The following AGAP2 variants were observed in gnomAD, a reference collection of about 807,000 sequenced individuals.
AGAP2 encodes arf-GAP with GTPase, ANK repeat and PH domain-containing protein 2.
A neutral mutation model predicts 110.9 loss-of-function variants in AGAP2; 32 were observed. The ratio of observed to expected loss-of-function variants is 0.29; its 90% confidence interval spans 0.22 to 0.39. AGAP2 has a LOEUF of 0.39. AGAP2 is among the 10% of genes least tolerant of loss of function. AGAP2 has a pLI of 1.00. For missense variants in AGAP2, 1,285 were observed against 1,638.5 expected, an observed-to-expected ratio of 0.78 and a Z score of 3.72; for synonymous variants, 702 against 713.0, an observed-to-expected ratio of 0.98 and a Z score of 0.25.
chr12:57,731,081 C>T, intron 10 of AGAP2, 128 bp from the exon 11 acceptor site: 1 of 1,020,754 alleles, frequency 9.8e-7, no homozygotes, highest in East Asian at 2.6e-5. Flanking sequence ...TTGTGATGAA[C>T]ATCTAGGGGA....
intron 13 of AGAP2, among the ~76,000 whole-genome samples, chr12:57,729,175 C>CA (rs766183934): frequency 0.052 from 1,828 of 35,148 alleles, 26 homozygotes; most frequent in African/African-American, 0.074. Context: ...GACTCCATCT[C>CA]AAAAAAAAAA....
rs1310882544 is a variant in AGAP2 at position 57,737,030 on chromosome 12, C to A, written c.1168+49G>T. On this transcript the variant is annotated intron_variant, in intron 1 of 18. Coordinates refer to ENST00000547588, the MANE Select transcript of AGAP2 (RefSeq NM_001122772.3). The surrounding 1 kb of genome is among the most constrained non-coding windows in gnomAD (Gnocchi z 5.9). The stretch of plus-strand genomic sequence containing the variant: ...CCTCGCTCCTCCACCCCAAGCTGAG[C>A]ATTCCAGGTACCCTTCCCTCCCTGT... 1 of 1,456,694 alleles carries A rather than the reference C, an allele frequency of 6.9e-7. No individual in the cohort carries two copies. The highest frequency in any genetic ancestry group is 2.8e-5 in the Admixed American group (1 of 35,666). The allele number at this position is 1,456,694 out of a possible 1,614,324, so 90.2% of individuals were successfully genotyped here.
At position 57,730,358 on chromosome 12, in the gene AGAP2, G is replaced by C. The variant is rs1329265566; in HGVS notation, c.2428+137C>G. 4 of 1,193,096 alleles carry C rather than the reference G, an allele frequency of 3.4e-6. No homozygotes were observed. In the East Asian group the frequency reaches 9.6e-5, roughly 28 times the overall value. The allele number at this position is 1,193,096 out of a possible 1,614,324, so 73.9% of individuals were successfully genotyped here. ...CCATTATGATAGACATGGTATGATT[G>C]AACTTATTCATGTGTGGGGCTCCAT... On this transcript the variant is annotated intron_variant, in intron 12 of 18. Transcript: ENST00000547588.
chr12:57,737,344 TGGACTC>T lies in AGAP2; in HGVS notation c.897_902del (p.Ser300_Pro301del), dbSNP rs1397351054. The stretch of plus-strand genomic sequence containing the variant: ...CGGAAGCAGCGGTGACAGCAGTGGC[TGGACTC>T]GGAGTTGGTGGGAGGGTTAGCGGAG... On this transcript the variant is annotated inframe_deletion, in exon 1 of 19. Coordinates refer to ENST00000547588, the MANE Select transcript of AGAP2 (RefSeq NM_001122772.3). The surrounding 1 kb of genome is among the most constrained non-coding windows in gnomAD (Gnocchi z 5.9). 1 of 1,613,816 alleles carries T rather than the reference TGGACTC, an allele frequency of 6.2e-7. No individual in the cohort carries two copies. Among genetic ancestry groups the T allele is most frequent in the Middle Eastern group, 1.6e-4 (1 of 6,062 alleles).
In AGAP2 at chr12:57,737,217, T is replaced by C; in HGVS notation, c.1030A>G (p.Met344Val). ...AAGATGCCGCTGATAAACTTGAGCA[T>C]CTTGCGGTCACGAGTGGATGCTCGG... ...GGRASTRDRK[M>V]LKFISGIFTK... The change falls in exon 1 of 19, where the codon ATG becomes GTG. Residue 344 changes from methionine (M) to valine (V), a missense_variant. By Grantham distance (21) the Met-to-Val change is conservative (BLOSUM62 1). Coordinates refer to ENST00000547588, the MANE Select transcript of AGAP2 (RefSeq NM_001122772.3). This position sits in a 1 kb window ranked among gnomAD's most constrained non-coding sequence, Gnocchi z 5.9. 1.2e-6 allele frequency: 2 copies of C among 1,608,710 alleles called. No homozygotes were observed. The highest frequency in any genetic ancestry group is 8.5e-7 in the Non-Finnish European group (1 of 1,177,788).
In AGAP2 at chr12:57,727,067, C is replaced by T; in HGVS notation, c.3243G>A (p.Pro1081=). 1 of 1,597,310 alleles carries T rather than the reference C, an allele frequency of 6.3e-7. No individual in the cohort carries two copies. The highest frequency in any genetic ancestry group is 8.5e-7 in the Non-Finnish European group (1 of 1,172,872). Residue 1081 remains proline, a synonymous_variant, in exon 18 of 19, where the codon CCG becomes CCA. Coordinates refer to ENST00000547588, the MANE Select transcript of AGAP2 (RefSeq NM_001122772.3). ...LLLLAHARHG[P]LDTSVEDPQL... is the part of the protein sequence containing the mutation. ...GTGGGTCCTCTACGCTGGTGTCGAGCGGCCCGTGTCGCGCATGGGCCAAAA... is the reference window on the plus strand; with the variant it reads ...GTGGGTCCTCTACGCTGGTGTCGAGTGGCCCGTGTCGCGCATGGGCCAAAA...
At chr12:57,730,470 C>A (rs757730501) in intron 12 of AGAP2, 25 bp downstream of exon 12, 1 of 1,612,180 alleles carries the variant, frequency 6.2e-7, no homozygotes, top group African/African-American at 1.3e-5. Flanking sequence ...TGGAAGACAG[C>A]AGATGGAAGG....
chr12:57,735,893 A>G (rs986436579), intron 1 of AGAP2, among the ~76,000 whole-genome samples: 2 of 152,124 alleles, frequency 1.3e-5, no homozygotes, highest in African/African-American at 2.4e-5. Flanking sequence ...AACTGAGGTG[A>G]GGGGTTTCCC....
At chr12:57,732,609 A>G (rs1954907807) in intron 6 of AGAP2, 97 bp from the exon 7 acceptor site, 1 of 1,323,094 alleles carries the variant, frequency 7.6e-7, no homozygotes, top group African/African-American at 1.5e-5. Context: ...ACAACACAGG[A>G]CCCAACTTCC....
intron 13 of AGAP2, among the ~76,000 whole-genome samples, chr12:57,728,959 A>G (rs1398884185): frequency 6.6e-6 from 1 of 152,094 alleles, no homozygotes; most frequent in South Asian, 2.1e-4. Flanking sequence ...GCAGATCACG[A>G]GGTCAGGAGA....
Position 57,725,773 on chromosome 12 carries a change from A to G in AGAP2, c.*779T>C, listed in dbSNP as rs1305755849. On this transcript the variant is annotated 3_prime_UTR_variant, in exon 19 of 19. Transcript: ENST00000547588. ...CACGCCCCTGCCCGCCCCCATCCCC[A>G]TGTTGGGGAACAAAGCAATAAATTA... 1 of 79,920 alleles carries G rather than the reference A, an allele frequency of 1.3e-5. No homozygotes were observed. 5.0% of individuals were successfully genotyped at this position (79,920 alleles called of 1,614,324 possible). A position where few individuals can be genotyped will look rare whatever the true frequency, so the allele number is the denominator to read the frequency against.
intron 16 of AGAP2, 46 bp downstream of exon 16, chr12:57,727,635 G>A: frequency 6.3e-7 from 1 of 1,590,142 alleles, no homozygotes; most frequent in South Asian, 1.1e-5. Flanking sequence ...AGGCACCCCG[G>A]CATTCACTAC....
At chr12:57,734,484 A>G (rs1954943314) in intron 3 of AGAP2, 80 bp from the exon 4 acceptor site, 2 of 1,588,408 alleles carry the variant, frequency 1.3e-6, no homozygotes, top group African/African-American at 1.3e-5. Context: ...TGCTTTTGCT[A>G]TTATGGCCTC....
At position 57,737,979 on chromosome 12, in the gene AGAP2, G is replaced by A; in HGVS notation, c.268C>T (p.Pro90Ser). ...GCCGGAGCCGGGGACAGGGCTGGGG[G>A]CTCCGCGCCCCCGGTGCCCGCGCTG... is the stretch of plus-strand genomic sequence containing the variant. ...TSSAGTGGAE[P>S]PALSPAPASP... The change falls in exon 1 of 19, where the codon CCC (proline) becomes TCC (serine). Residue 90 changes from proline (P) to serine (S), a missense_variant. By Grantham distance (74) the Pro-to-Ser change is moderately conservative. This residue lies in a region of AGAP2 where 844 missense variants were observed against 941.2 expected (regional missense o/e 0.90). Transcript: ENST00000547588. This position sits in a 1 kb window ranked among gnomAD's most constrained non-coding sequence, Gnocchi z 5.9. The A allele has an allele frequency of 1.4e-6, 2 of 1,439,134 alleles. No homozygotes were observed. The highest frequency in any genetic ancestry group is 1.8e-6 in the Non-Finnish European group (2 of 1,103,286). The allele number at this position is 1,439,134 out of a possible 1,614,324, so 89.1% of individuals were successfully genotyped here. A position where few individuals can be genotyped will look rare whatever the true frequency, so the allele number is the denominator to read the frequency against.
chr12:57,739,700 C>G (rs1167710984), upstream of AGAP2: 1 of 152,166 alleles, frequency 6.6e-6, no homozygotes, highest in East Asian at 1.9e-4. Flanking sequence ...GGGTAGGGGA[C>G]CAACCGCGGG....
chr12:57,738,199 G>A lies in AGAP2; in HGVS notation c.48C>T (p.Leu16=). ...CGAGCTTAACCAGGGTCAGCGAGAT[G>A]AGGTAGGTCGTTGTCCGGCGCTGAA... is the stretch of plus-strand genomic sequence containing the variant. ...GALQRRTTTY[L]ISLTLVKLES... Residue 16 remains leucine, a synonymous_variant, in exon 1 of 19, where the codon CTC becomes CTT. Coordinates refer to ENST00000547588, the MANE Select transcript of AGAP2 (RefSeq NM_001122772.3). The surrounding 1 kb of genome is among the most constrained non-coding windows in gnomAD (Gnocchi z 6.7). 2.0e-6 allele frequency: 3 copies of A among 1,525,280 alleles called. No individual in the cohort carries two copies. The highest frequency in any genetic ancestry group is 2.6e-6 in the Non-Finnish European group (3 of 1,141,576). 94.5% of individuals were successfully genotyped at this position (1,525,280 alleles called of 1,614,324 possible).
At chr12:57,727,310 G>C (rs933399135) in intron 17 of AGAP2, 50 bp downstream of exon 17, 9 of 1,607,360 alleles carry the variant, frequency 5.6e-6, no homozygotes, top group Middle Eastern at 1.6e-4. Context: ...ACCGTCTCAG[G>C]TTCGCACACC....
At position 57,738,585 on chromosome 12, in the gene AGAP2, C is replaced by T. The variant is rs1285963734; in HGVS notation, c.-339G>A. Among the ~76,000 whole-genome samples the T allele has an allele frequency of 6.6e-6, 1 of 150,960 alleles. No homozygotes were observed. The highest frequency in any genetic ancestry group is 1.5e-5 in the Non-Finnish European group (1 of 67,664). ...AGGGCGGGGAGGACAGTAGTGGGGGCAAATGGGGGAGAGAGAGGAAAAGGG... is the reference window on the plus strand; with the variant it reads ...AGGGCGGGGAGGACAGTAGTGGGGGTAAATGGGGGAGAGAGAGGAAAAGGG... On this transcript the variant is annotated 5_prime_UTR_variant, in exon 1 of 19. Transcript: ENST00000547588. This position sits in a 1 kb window ranked among gnomAD's most constrained non-coding sequence, Gnocchi z 6.7.
chr12:57,726,577 G>C lies in AGAP2; in HGVS notation c.3554C>G (p.Ala1185Gly), dbSNP rs976567514. The C allele has an allele frequency of 1.5e-5, 18 of 1,207,916 alleles. No homozygotes were observed. Among genetic ancestry groups the C allele is most frequent in the African/African-American group, 3.2e-5 (2 of 63,316 alleles). 74.8% of individuals were successfully genotyped at this position (1,207,916 alleles called of 1,614,324 possible). ...RRSSAASVGRADAPVALV is the reference protein window; with the variant it reads ...RRSSAASVGRGDAPVALV ...CTATACCAGCGCAACCGGGGCGTCGGCGCGGCCCACGCTAGCGGCGCTGCT... is the reference window on the plus strand; with the variant it reads ...CTATACCAGCGCAACCGGGGCGTCGCCGCGGCCCACGCTAGCGGCGCTGCT... The change falls in exon 19 of 19, where the codon GCC becomes GGC. Residue 1185 changes from alanine to glycine, a missense_variant. Ala to Gly is a moderately conservative substitution (Grantham distance 60, BLOSUM62 0). Around this residue, in one of 7 missense-constraint regions of AGAP2, gnomAD observed 201 missense variants for 276.1 expected, o/e 0.73. Transcript: ENST00000547588. This position sits in a 1 kb window ranked among gnomAD's most constrained non-coding sequence, Gnocchi z 5.7.
Sources: gnomAD v4.1 joint callset for allele counts (sites outside exome capture counted in the v4.1 genomes callset) on GRCh38, gnomAD v4.1.1 for gene constraint, gnomAD v4.1.1 regional missense constraint, Gnocchi (gnomAD v3.1) non-coding constraint, MANE v1.5 for transcripts, NCBI Gene and HGNC (gene_info 2026-07-23, HGNC 2026-07-21) for gene names.